Variants in MEGF11 observed in about 807,000 individuals in gnomAD.
MEGF11 encodes multiple epidermal growth factor-like domains protein 11.
MEGF11 carries 126 observed loss-of-function variants against 146.6 expected under a neutral mutation model. The observed-to-expected ratio is 0.86, with a 90% CI of 0.74 to 1.00. The LOEUF (loss-of-function observed/expected upper bound fraction) is 1.00, where lower values mean the gene tolerates loss of function less well. MEGF11 is among the 50% of genes least tolerant of loss of function. The pLI is 0.00. For synonymous variants in MEGF11, 532 were observed against 583.4 expected (o/e 0.91, Z 1.27); for missense variants, 1,509 against 1,521.2 (o/e 0.99, Z 0.13).
intron 9 of MEGF11, among the ~76,000 whole-genome samples, chr15:65,964,688 A>T (rs1414289690): frequency 6.6e-6 from 1 of 152,180 alleles, no homozygotes; most frequent in Non-Finnish European, 1.5e-5. Flanking sequence ...GGGTGGACAG[A>T]GGTGAGTGAT....
intron 5 of MEGF11, among the ~76,000 whole-genome samples, chr15:66,065,646 C>T (rs1368023547): frequency 6.6e-6 from 1 of 152,216 alleles, no homozygotes; most frequent in Non-Finnish European, 1.5e-5. Flanking sequence ...TTCCTGCGTC[C>T]AAGAGGACAC....
At chr15:65,965,166 C>T (rs71398245) in intron 8 of MEGF11, 46 bp from the exon 9 acceptor site, 16 of 1,469,868 alleles carry the variant, frequency 1.1e-5, no homozygotes, top group Non-Finnish European at 1.4e-5. Flanking sequence ...CAGGATCCCT[C>T]ACCTGTGCTT....
intron 1 of MEGF11, among the ~76,000 whole-genome samples, chr15:66,217,759 C>G (rs2091623677): frequency 6.6e-6 from 1 of 152,216 alleles, no homozygotes; most frequent in Non-Finnish European, 1.5e-5. Flanking sequence ...TTGCCTCTGT[C>G]CACACAGCCA....
chr15:65,957,763 G>A (rs372953725), intron 9 of MEGF11, 42 bp from the exon 10 acceptor site: 2 of 1,602,442 alleles, frequency 1.2e-6, no homozygotes, highest in African/African-American at 2.7e-5. Flanking sequence ...CTTGTTCTGG[G>A]AAGCAGCCAT....
intron 1 of MEGF11, among the ~76,000 whole-genome samples, chr15:66,128,830 A>G (rs190856484): frequency 9.2e-5 from 14 of 152,246 alleles, no homozygotes; most frequent in African/African-American, 3.1e-4. Context: ...TTCTTTGCCC[A>G]TCTACTTCCT....
intron 5 of MEGF11, among the ~76,000 whole-genome samples, chr15:65,999,468 C>T (rs2082293332): frequency 6.6e-6 from 1 of 152,204 alleles, no homozygotes; most frequent in African/African-American, 2.4e-5. Context: ...GCTTCCTCCA[C>T]CTCATGTGCC....
intron 10 of MEGF11, among the ~76,000 whole-genome samples, chr15:65,943,383 T>C (rs549021814): frequency 5.3e-5 from 8 of 152,322 alleles, no homozygotes; most frequent in African/African-American, 1.9e-4. Flanking sequence ...GGAGTATGTA[T>C]GTGGACCATG....
At chr15:66,227,720 G>A (rs980208713) in intron 1 of MEGF11, among the ~76,000 whole-genome samples, 1 of 152,174 alleles carries the variant, frequency 6.6e-6, no homozygotes, top group Non-Finnish European at 1.5e-5. Flanking sequence ...CCATGGAAGC[G>A]CCGGGCTTCT....
intron 5 of MEGF11, among the ~76,000 whole-genome samples, chr15:66,030,894 AG>A (rs1292086701): frequency 6.6e-6 from 1 of 152,232 alleles, no homozygotes; most frequent in Middle Eastern, 3.2e-3. Context: ...GCTTGGTCTG[AG>A]GATTCAACCT....
chr15:65,963,726 T>A (rs1450856298), intron 9 of MEGF11, among the ~76,000 whole-genome samples: 1 of 152,196 alleles, frequency 6.6e-6, no homozygotes, highest in Non-Finnish European at 1.5e-5. Context: ...TCTAGCACCC[T>A]CTCTGGACAG....
chr15:65,955,787 T>TAC (rs2080591139), intron 10 of MEGF11, among the ~76,000 whole-genome samples: 1 of 7,128 alleles, frequency 1.4e-4, no homozygotes, highest in African/African-American at 2.3e-4. Context: ...TATATATATA[T>TAC]ATATATACAC....
rs147607324 is a variant in MEGF11 at position 65,991,689 on chromosome 15, T to C, written c.395-9201A>G. 1.2e-3 allele frequency among the ~76,000 whole-genome samples: 189 copies of C among 152,330 alleles called. 1 individual carries two copies. Among genetic ancestry groups the C allele is most frequent in the African/African-American group, 4.5e-3 (186 of 41,582 alleles). On this transcript the variant is annotated intron_variant, in intron 5 of 25. Coordinates refer to ENST00000395614, the MANE Select transcript of MEGF11 (RefSeq NM_001385028.1). The stretch of plus-strand genomic sequence containing the variant: ...TTGAGAGTCATATATTGGCTTTCTT[T>C]ACTGCTAGGCTTTAGAAGTCATCTT...
intron 1 of MEGF11, among the ~76,000 whole-genome samples, chr15:66,214,404 C>G (rs1250127099): frequency 6.6e-6 from 1 of 152,112 alleles, no homozygotes; most frequent in Admixed American, 6.5e-5. Flanking sequence ...CAGCCTGACC[C>G]CTCCCAGTTC....
At chr15:66,206,911 T>C (rs1454870170) in intron 1 of MEGF11, among the ~76,000 whole-genome samples, 1 of 151,856 alleles carries the variant, frequency 6.6e-6, no homozygotes, top group Non-Finnish European at 1.5e-5. Context: ...ATTAAAAAAT[T>C]CAAAAAATTT....
At chr15:65,899,117 T>C (rs2078429654) in intron 24 of MEGF11, among the ~76,000 whole-genome samples, 183 bp from the exon 25 acceptor site, 1 of 152,224 alleles carries the variant, frequency 6.6e-6, no homozygotes. Flanking sequence ...GGCAGAGTTC[T>C]TTTTCCAAAG....
chr15:66,084,687 A>C (rs758745847), intron 5 of MEGF11, among the ~76,000 whole-genome samples: 1 of 152,204 alleles, frequency 6.6e-6, no homozygotes, highest in Non-Finnish European at 1.5e-5. Flanking sequence ...GCCTGGCACC[A>C]CAGGGATCCA....
chr15:66,052,671 C>A (rs1249147981), intron 5 of MEGF11, among the ~76,000 whole-genome samples: 2 of 152,154 alleles, frequency 1.3e-5, no homozygotes, highest in African/African-American at 4.8e-5. Flanking sequence ...TGATAATGGG[C>A]CAACTCCCGA....
chr15:65,931,948 C>G (rs111646474), intron 10 of MEGF11, among the ~76,000 whole-genome samples: 2 of 152,166 alleles, frequency 1.3e-5, no homozygotes, highest in African/African-American at 4.8e-5. Context: ...AGAACTAAAC[C>G]CAGTTGCTCC....
chr15:66,132,446 A>AGCCTGGC (rs756042413), intron 1 of MEGF11, among the ~76,000 whole-genome samples: 278 of 152,320 alleles, frequency 1.8e-3, no homozygotes, highest in Non-Finnish European at 3.3e-3. Context: ...TGGAGCCTGG[A>AGCCTGGC]GCCTGGCCAA....
Sources: allele counts gnomAD v4.1 joint callset (sites outside exome capture counted in the v4.1 genomes callset), GRCh38; gene constraint gnomAD v4.1.1; transcripts MANE v1.5; gene names NCBI Gene and HGNC (gene_info 2026-07-23, HGNC 2026-07-21).